The following KPNA5 variants were observed in gnomAD, a reference collection of about 807,000 sequenced individuals.
The protein encoded by KPNA5 is karyopherin subunit alpha 5, also known as importin subunit alpha-6.
Under a neutral mutation model 71.3 loss-of-function variants are expected in KPNA5, and 46 were observed. The observed-to-expected ratio is 0.65, with a 90% confidence interval of 0.51 to 0.83. The LOEUF (loss-of-function observed/expected upper bound fraction) is 0.83, where lower values mean the gene tolerates loss of function less well. Among genes scored for constraint, KPNA5 ranks in the 40% least tolerant of loss-of-function variants. KPNA5 has a pLI of 0.00. For synonymous variants in KPNA5, 207 were observed against 201.4 expected (o/e 1.03, Z -0.24); for missense variants, 547 against 628.3 (o/e 0.87, Z 1.38).
rs1779788033 is a variant in KPNA5, at chr6:116,739,392, A to T, written c.*7069A>T. 1.3e-5 allele frequency: 2 copies of T among 152,172 alleles called. No homozygotes were observed. The highest frequency in any genetic ancestry group is 4.1e-4 in the South Asian group (2 of 4,826). 9.4% of individuals were successfully genotyped at this position (152,172 alleles called of 1,614,324 possible). On this transcript the variant is annotated 3_prime_UTR_variant, in exon 14 of 14. Coordinates refer to ENST00000368564, the MANE Select transcript of KPNA5 (RefSeq NM_001366306.2). ...GAACATTCCATGCTCATGGGTAGGA[A>T]GAATCAATATCGTGAAAATGGCCAT... is the stretch of plus-strand genomic sequence containing the variant.
chr6:116,683,423 G>A (rs1488579236), intron 1 of KPNA5, among the ~76,000 whole-genome samples: 2 of 151,998 alleles, frequency 1.3e-5, no homozygotes, highest in African/African-American at 4.8e-5. Context: ...TATATATTGA[G>A]CGTAATTCAA....
intron 2 of KPNA5, among the ~76,000 whole-genome samples, chr6:116,690,440 G>T (rs1486863389): frequency 6.6e-6 from 1 of 151,956 alleles, no homozygotes; most frequent in Non-Finnish European, 1.5e-5. Flanking sequence ...GGATCACGAG[G>T]TCAGGAGATT....
intron 7 of KPNA5, among the ~76,000 whole-genome samples, chr6:116,715,159 A>C (rs1396742177): frequency 6.6e-6 from 1 of 152,172 alleles, no homozygotes; most frequent in East Asian, 1.9e-4. Context: ...CCATTTTTGC[A>C]TATGTCACTC....
intron 4 of KPNA5, among the ~76,000 whole-genome samples, chr6:116,695,020 A>G (rs1777968891): frequency 1.3e-5 from 2 of 152,008 alleles, no homozygotes; most frequent in Admixed American, 1.3e-4. Context: ...GCAGAATCAC[A>G]GCTCACTATA....
chr6:116,702,074 A>G lies in KPNA5; in HGVS notation c.491A>G (p.Lys164Arg). 4 of 1,613,870 alleles carry G rather than the reference A, an allele frequency of 2.5e-6. No homozygotes were observed. Among genetic ancestry groups the G allele is most frequent in the Non-Finnish European group, 3.4e-6 (4 of 1,179,894 alleles). The part of the protein sequence containing the change: ...NIASGTFLHT[K>R]VVIETGAVPI... ...GCATCTGGAACTTTTCTGCATACCA[A>G]GGTAGTGATTGAAACTGGGGCTGTT... Residue 164 changes from lysine (K) to arginine (R), a missense_variant, in exon 6 of 14, where the codon AAG (lysine) becomes AGG (arginine). Lys to Arg is a conservative substitution (Grantham distance 26). Coordinates refer to ENST00000368564, the MANE Select transcript of KPNA5 (RefSeq NM_001366306.2).
chr6:116,705,993 T>C (rs1778424678), intron 7 of KPNA5, among the ~76,000 whole-genome samples: 1 of 152,240 alleles, frequency 6.6e-6, no homozygotes, highest in Admixed American at 6.5e-5. Flanking sequence ...ACCACTGAAC[T>C]ACTCACTATA....
intron 7 of KPNA5, among the ~76,000 whole-genome samples, chr6:116,709,082 T>C (rs1036076369): frequency 1.3e-5 from 2 of 152,154 alleles, no homozygotes; most frequent in African/African-American, 2.4e-5. Flanking sequence ...CCACCACACC[T>C]GGCCTGTATG....
chr6:116,730,682 C>G (rs1201103165), intron 13 of KPNA5, among the ~76,000 whole-genome samples: 2 of 152,076 alleles, frequency 1.3e-5, no homozygotes, highest in African/African-American at 4.8e-5. Flanking sequence ...ATTCTACAAC[C>G]TCATACTTGT....
intron 1 of KPNA5, among the ~76,000 whole-genome samples, chr6:116,685,532 G>A (rs142148752): frequency 0.08 from 12,191 of 152,208 alleles, 1,384 homozygotes; most frequent in African/African-American, 0.25. Context: ...GTAAGAACAT[G>A]TGGTATTTGT....
At chr6:116,727,586 A>G (rs548137307) in intron 12 of KPNA5, among the ~76,000 whole-genome samples, 2 of 152,216 alleles carry the variant, frequency 1.3e-5, no homozygotes, top group African/African-American at 4.8e-5. Flanking sequence ...GGATTTTGGT[A>G]TTGAGAGGAA....
At chr6:116,732,074 T>TTTTATTTATATA (rs1463339776) in intron 13 of KPNA5, 62 bp from the exon 14 acceptor site, 1 of 66,302 alleles carries the variant, frequency 1.5e-5, no homozygotes, top group African/African-American at 6.5e-5. Flanking sequence ...AACAGTTTGT[T>TTTTATTTATATA]TATATATATA....
intron 1 of KPNA5, among the ~76,000 whole-genome samples, chr6:116,682,320 C>G (rs1777394737): frequency 6.6e-6 from 1 of 152,120 alleles, no homozygotes; most frequent in Non-Finnish European, 1.5e-5. Context: ...GAGCGAGACT[C>G]TGTCTCAAAA....
intron 7 of KPNA5, among the ~76,000 whole-genome samples, chr6:116,709,758 T>C (rs1778581828): frequency 6.6e-6 from 1 of 151,628 alleles, no homozygotes; most frequent in Non-Finnish European, 1.5e-5. Context: ...TTGAGGTAGT[T>C]TCCTTCTATT....
chr6:116,698,585 A>G (rs532882059), intron 4 of KPNA5, 119 bp from the exon 5 acceptor site: 1 of 605,414 alleles, frequency 1.7e-6, no homozygotes, highest in African/African-American at 2.0e-5. Flanking sequence ...TAAGGGTTTT[A>G]ATCTTGGGTC....
chr6:116,741,294 C>T lies in KPNA5; in HGVS notation c.*8971C>T, dbSNP rs1034673523. On this transcript the variant is annotated 3_prime_UTR_variant, in exon 14 of 14. Transcript: ENST00000368564. ...TTTTGAATTTTCCATATAGTTCTGACGATTTTTTTGTGTTTTATATGTTTT... is the reference window on the plus strand; with the variant it reads ...TTTTGAATTTTCCATATAGTTCTGATGATTTTTTTGTGTTTTATATGTTTT... The T allele has an allele frequency of 1.3e-5, 2 of 152,018 alleles. No homozygotes were observed. Among genetic ancestry groups the T allele is most frequent in the East Asian group, 3.9e-4 (2 of 5,174 alleles). The allele number at this position is 152,018 out of a possible 1,614,324, so 9.4% of individuals were successfully genotyped here.
chr6:116,712,842 AT>A (rs1025405602), intron 7 of KPNA5, among the ~76,000 whole-genome samples: 1 of 151,424 alleles, frequency 6.6e-6, no homozygotes, highest in African/African-American at 2.4e-5. Flanking sequence ...TTCCTTTCCT[AT>A]TTTTTTAAAA....
chr6:116,702,268 T>C (rs1442909084), intron 6 of KPNA5, 118 bp downstream of exon 6: 2 of 1,022,614 alleles, frequency 2.0e-6, no homozygotes, highest in Admixed American at 2.5e-5. Context: ...TTGCATTAAA[T>C]TGTAGTAGTG....
intron 12 of KPNA5, among the ~76,000 whole-genome samples, chr6:116,727,950 ACAAGT>A (rs1235737449): frequency 6.6e-6 from 1 of 151,056 alleles, no homozygotes; most frequent in Non-Finnish European, 1.5e-5. Flanking sequence ...AATTTATAAA[ACAAGT>A]CAAACTACAG....
chr6:116,729,483 TTG>T, intron 12 of KPNA5, 78 bp from the exon 13 acceptor site: 1 of 853,244 alleles, frequency 1.2e-6, no homozygotes. Flanking sequence ...AAAAATATTT[TTG>T]TGTCATTGTT....
Sources: allele counts gnomAD v4.1 joint callset (sites outside exome capture counted in the v4.1 genomes callset), GRCh38; gene constraint gnomAD v4.1.1; transcripts MANE v1.5; gene names NCBI Gene and HGNC (gene_info 2026-07-23, HGNC 2026-07-21).